OXR1: variants seen among roughly 807,000 people sequenced by gnomAD.
The protein encoded by OXR1 is oxidation resistance protein 1.
In OXR1, 41 loss-of-function variants were observed where a neutral mutation model predicts 104.6. The ratio of observed to expected loss-of-function variants is 0.39; its 90% CI spans 0.31 to 0.51. The LOEUF is 0.51. OXR1 is among the 20% of genes least tolerant of loss of function. OXR1 has a pLI of 0.77. For missense variants in OXR1, 955 were observed against 1,031.9 expected, an observed-to-expected ratio of 0.93 and a Z score of 1.02; for synonymous variants, 348 against 348.4, an observed-to-expected ratio of 1.00 and a Z score of 0.01.
At chr8:106,597,069 A>C (rs577436363) in intron 3 of OXR1, among the ~76,000 whole-genome samples, 7 of 152,192 alleles carry the variant, frequency 4.6e-5, no homozygotes, top group South Asian at 2.1e-4. Context: ...AACAAACAAA[A>C]AAAAGAACTA....
At chr8:106,298,792 A>G (rs1444443929) in intron 1 of OXR1, among the ~76,000 whole-genome samples, 1 of 152,118 alleles carries the variant, frequency 6.6e-6, no homozygotes, top group Non-Finnish European at 1.5e-5. Context: ...ACCACCCCAG[A>G]ACAAAAGCAA....
At chr8:106,712,558 G>T (rs766434998) in intron 10 of OXR1, among the ~76,000 whole-genome samples, 5 of 152,020 alleles carry the variant, frequency 3.3e-5, no homozygotes, top group African/African-American at 1.2e-4. Context: ...GGAGATACGC[G>T]AATTGATTCC....
At chr8:106,477,423 A>G (rs1228128908) in intron 2 of OXR1, among the ~76,000 whole-genome samples, 2 of 151,980 alleles carry the variant, frequency 1.3e-5, no homozygotes, top group Admixed American at 6.6e-5. Flanking sequence ...ATTACTGTTA[A>G]TTTTATGCAG....
intron 2 of OXR1, among the ~76,000 whole-genome samples, chr8:106,430,101 T>C (rs888870145): frequency 6.6e-6 from 1 of 152,150 alleles, no homozygotes; most frequent in Non-Finnish European, 1.5e-5. Flanking sequence ...GGTATCTTTA[T>C]TTCTCTTTAA....
At chr8:106,737,058 G>T (rs1193713258) in intron 11 of OXR1, among the ~76,000 whole-genome samples, 2 of 151,992 alleles carry the variant, frequency 1.3e-5, no homozygotes, top group Non-Finnish European at 2.9e-5. Flanking sequence ...GGGTATGTTT[G>T]TCACCTGTGC....
At chr8:106,571,686 T>C (rs142820918) in intron 3 of OXR1, among the ~76,000 whole-genome samples, 53 of 152,222 alleles carry the variant, frequency 3.5e-4, no homozygotes, top group Middle Eastern at 3.4e-3. Flanking sequence ...ATGTAAATCA[T>C]AGGGGTGAGA....
chr8:106,662,934 C>A (rs1466714730), intron 3 of OXR1, among the ~76,000 whole-genome samples: 8 of 151,882 alleles, frequency 5.3e-5, no homozygotes, highest in African/African-American at 1.5e-4. Flanking sequence ...ATCAGAAAGT[C>A]CAAAATCTGA....
intron 3 of OXR1, among the ~76,000 whole-genome samples, chr8:106,542,575 G>A (rs187395376): frequency 6.8e-4 from 103 of 152,030 alleles, no homozygotes; most frequent in South Asian, 3.5e-3. Flanking sequence ...AAATTATTCT[G>A]TCTTAGTAAA....
intron 3 of OXR1, among the ~76,000 whole-genome samples, chr8:106,587,257 G>A (rs1818700615): frequency 1.3e-5 from 2 of 152,050 alleles, no homozygotes; most frequent in African/African-American, 4.8e-5. Flanking sequence ...TATTGAGTCT[G>A]TGGAAGTTCT....
chr8:106,433,748 T>G (rs1485207594), intron 2 of OXR1, among the ~76,000 whole-genome samples: 1 of 152,242 alleles, frequency 6.6e-6, no homozygotes, highest in East Asian at 1.9e-4. Context: ...TCCAGTTATT[T>G]TAACTGTGGC....
chr8:106,571,951 G>T (rs1817502789), intron 3 of OXR1, among the ~76,000 whole-genome samples: 1 of 152,140 alleles, frequency 6.6e-6, no homozygotes. Context: ...TTGATGCTCT[G>T]CCCTCCAGGT....
At chr8:106,572,819 T>C (rs567295958) in intron 3 of OXR1, among the ~76,000 whole-genome samples, 169 of 152,106 alleles carry the variant, frequency 1.1e-3, no homozygotes, top group Non-Finnish European at 2.2e-3. Flanking sequence ...CACTTCCACG[T>C]GTTTAAGTAT....
chr8:106,270,593 G>T (rs1811754742), intron 1 of OXR1, among the ~76,000 whole-genome samples: 1 of 151,008 alleles, frequency 6.6e-6, no homozygotes. Context: ...TCCAGCGGGG[G>T]CCCAGAGGGC....
chr8:106,440,820 T>C (rs1339254276), intron 2 of OXR1, among the ~76,000 whole-genome samples: 1 of 152,124 alleles, frequency 6.6e-6, no homozygotes, highest in Admixed American at 6.6e-5. Context: ...AAAATTAAAA[T>C]ACCAGTATAG....
chr8:106,721,618 G>T (rs1427410179), intron 11 of OXR1, among the ~76,000 whole-genome samples: 1 of 152,060 alleles, frequency 6.6e-6, no homozygotes, highest in Non-Finnish European at 1.5e-5. Context: ...TTAGGTACAT[G>T]ACATTAGTCA....
At chr8:106,512,006 A>C (rs916455275) in intron 2 of OXR1, among the ~76,000 whole-genome samples, 6 of 152,228 alleles carry the variant, frequency 3.9e-5, no homozygotes, top group African/African-American at 1.4e-4. Context: ...TACATTATAA[A>C]TGCTCAATGA....
chr8:106,685,265 C>G (rs368469895), intron 6 of OXR1, among the ~76,000 whole-genome samples: 1 of 152,088 alleles, frequency 6.6e-6, no homozygotes, highest in Non-Finnish European at 1.5e-5. Flanking sequence ...ATGGGACTTA[C>G]AAAGAGATGT....
chr8:106,671,963 T>TATA (rs200351866), intron 3 of OXR1, among the ~76,000 whole-genome samples: 32,539 of 136,196 alleles, frequency 0.24, 3,931 homozygotes, highest in Non-Finnish European at 0.26. Context: ...GAACTTAAAG[T>TATA]ATAATAATAA....
chr8:106,412,319 C>A (rs1294691162), intron 2 of OXR1, among the ~76,000 whole-genome samples: 2 of 152,120 alleles, frequency 1.3e-5, no homozygotes, highest in Admixed American at 1.3e-4. Flanking sequence ...GCATCCTGTG[C>A]TTCAAATGGT....
Sources: gnomAD v4.1 joint callset for allele counts (sites outside exome capture counted in the v4.1 genomes callset) on GRCh38, gnomAD v4.1.1 for gene constraint, MANE v1.5 for transcripts, NCBI Gene and HGNC (gene_info 2026-07-23, HGNC 2026-07-21) for gene names.